The following WWOX variants were observed in gnomAD, a reference collection of about 807,000 sequenced individuals.
The protein encoded by WWOX is WW domain-containing oxidoreductase.
WWOX carries 69 observed loss-of-function variants against 46.2 expected under a neutral mutation model. That is an observed-to-expected ratio of 1.49 (90% CI 1.23 to 1.82). The LOEUF (loss-of-function observed/expected upper bound fraction) is 1.82. WWOX is among the 40% of genes most tolerant of loss of function. The pLI is 0.00. For missense variants in WWOX, 919 were observed against 542.6 expected, an observed-to-expected ratio of 1.69 and a Z score of -6.89; for synonymous variants, 359 against 202.6, an observed-to-expected ratio of 1.77 and a Z score of -6.56.
chr16:79,164,227 C>A (rs2050546696), intron 8 of WWOX, among the ~76,000 whole-genome samples: 4 of 152,148 alleles, frequency 2.6e-5, no homozygotes, highest in Admixed American at 2.0e-4. Flanking sequence ...TTGAGGCTTG[C>A]CAGTGTCTGG....
chr16:78,732,918 G>A (rs1174787394), intron 8 of WWOX, among the ~76,000 whole-genome samples: 2 of 152,194 alleles, frequency 1.3e-5, no homozygotes, highest in Non-Finnish European at 2.9e-5. Context: ...GAGTAAAGAA[G>A]TGGCATTTAT....
intron 5 of WWOX, among the ~76,000 whole-genome samples, chr16:78,231,293 G>A (rs528064554): frequency 2.0e-4 from 31 of 152,250 alleles, no homozygotes; most frequent in African/African-American, 7.2e-4. Flanking sequence ...ATGTGGCTTC[G>A]GCATTTTCAC....
intron 6 of WWOX, among the ~76,000 whole-genome samples, chr16:78,391,240 G>A (rs1359689896): frequency 6.6e-6 from 1 of 152,192 alleles, no homozygotes; most frequent in African/African-American, 2.4e-5. Context: ...TCCTAACCAT[G>A]ATTATGTAAA....
chr16:78,587,425 C>T (rs1488601315), intron 8 of WWOX, among the ~76,000 whole-genome samples: 3 of 152,022 alleles, frequency 2.0e-5, no homozygotes, highest in African/African-American at 7.2e-5. Context: ...AGAAACAATT[C>T]AGCAACTCTC....
intron 8 of WWOX, among the ~76,000 whole-genome samples, chr16:78,782,745 A>G (rs2050361581): frequency 6.7e-6 from 1 of 148,898 alleles, no homozygotes; most frequent in African/African-American, 2.5e-5. Context: ...CAACATTATT[A>G]CATCATTACA....
chr16:78,391,009 C>G (rs1307867883), intron 6 of WWOX, among the ~76,000 whole-genome samples: 1 of 152,188 alleles, frequency 6.6e-6, no homozygotes, highest in East Asian at 1.9e-4. Context: ...TCAAGTGTTT[C>G]TCCACACTGG....
At chr16:78,340,174 C>G (rs11150061) in intron 5 of WWOX, among the ~76,000 whole-genome samples, 89,984 of 111,618 alleles carry the variant, frequency 0.81, 41,282 homozygotes, top group African/African-American at 0.94. Context: ...GTTTTCATTT[C>G]TTTTGGTAAT....
chr16:78,732,711 A>T (rs1045832557), intron 8 of WWOX, among the ~76,000 whole-genome samples: 1 of 152,158 alleles, frequency 6.6e-6, no homozygotes, highest in Non-Finnish European at 1.5e-5. Context: ...AATTTGACTC[A>T]ACTCCCTTGG....
chr16:79,199,759 G>A (rs1031280005), intron 8 of WWOX, among the ~76,000 whole-genome samples: 3 of 152,154 alleles, frequency 2.0e-5, no homozygotes, highest in East Asian at 3.9e-4. Flanking sequence ...TCAACCCCTT[G>A]ACAGTTCGAA....
intron 8 of WWOX, among the ~76,000 whole-genome samples, chr16:78,739,628 C>T (rs1428015500): frequency 4.6e-5 from 7 of 151,992 alleles, no homozygotes; most frequent in African/African-American, 1.4e-4. Context: ...CTGGCTAACA[C>T]GGATAAACCT....
intron 8 of WWOX, among the ~76,000 whole-genome samples, chr16:78,865,596 G>A (rs771793982): frequency 6.6e-6 from 1 of 152,036 alleles, no homozygotes. Flanking sequence ...GTGTGTGGCC[G>A]GCCAGGTGCA....
chr16:78,443,058 C>A (rs568341369), intron 8 of WWOX, among the ~76,000 whole-genome samples: 4 of 150,520 alleles, frequency 2.7e-5, no homozygotes, highest in Non-Finnish European at 5.9e-5. Context: ...ATGGCGTGAA[C>A]CCGGGAGGTG....
chr16:78,384,708 C>A (rs2082023881), intron 5 of WWOX, among the ~76,000 whole-genome samples: 1 of 152,214 alleles, frequency 6.6e-6, no homozygotes, highest in South Asian at 2.1e-4. Context: ...GTTCCAAAAT[C>A]TGCACACTTT....
chr16:78,187,354 T>C (rs757324292), intron 5 of WWOX, among the ~76,000 whole-genome samples: 4 of 152,220 alleles, frequency 2.6e-5, no homozygotes, highest in Non-Finnish European at 4.4e-5. Context: ...CTCATGTCTG[T>C]AATCCTAGCA....
At chr16:79,009,599 T>G (rs2047262748) in intron 8 of WWOX, among the ~76,000 whole-genome samples, 1 of 152,096 alleles carries the variant, frequency 6.6e-6, no homozygotes, top group Non-Finnish European at 1.5e-5. Context: ...CATAGGCACA[T>G]GCCACCACAC....
chr16:78,163,263 T>C (rs1416221106), intron 4 of WWOX, among the ~76,000 whole-genome samples: 1 of 152,220 alleles, frequency 6.6e-6, no homozygotes, highest in African/African-American at 2.4e-5. Flanking sequence ...GGAAATTGGA[T>C]AGATAGGGAC....
intron 6 of WWOX, among the ~76,000 whole-genome samples, chr16:78,409,923 G>A (rs996053567): frequency 2.6e-5 from 4 of 152,162 alleles, no homozygotes; most frequent in African/African-American, 9.7e-5. Context: ...TATCTAGCAT[G>A]AGCTCCCTGT....
At chr16:78,563,533 C>CT (rs1278131270) in intron 8 of WWOX, among the ~76,000 whole-genome samples, 115 of 114,820 alleles carry the variant, frequency 1.0e-3, no homozygotes, top group African/African-American at 1.7e-3. Flanking sequence ...TTTTTTTTTT[C>CT]TTTTTTTTTT....
At chr16:78,983,870 C>CTTTTTT (rs760130115) in intron 8 of WWOX, among the ~76,000 whole-genome samples, 1,808 of 79,796 alleles carry the variant, frequency 0.023, 104 homozygotes, top group Middle Eastern at 0.056. Context: ...GAGAGCTATT[C>CTTTTTT]TTTTTTTTTT....
Sources: allele counts gnomAD v4.1 joint callset (sites outside exome capture counted in the v4.1 genomes callset), GRCh38; gene constraint gnomAD v4.1.1; transcripts MANE v1.5; gene names NCBI Gene and HGNC (gene_info 2026-07-23, HGNC 2026-07-21).